The following PCP4 variants were observed in gnomAD, a reference collection of about 807,000 sequenced individuals.
The protein encoded by PCP4 is calmodulin regulator protein PCP4.
In PCP4, 8 loss-of-function variants were observed where a neutral mutation model predicts 10.0. The ratio of observed to expected loss-of-function variants is 0.80; its 90% CI spans 0.47 to 1.45. The LOEUF (loss-of-function observed/expected upper bound fraction) is 1.45. Among genes scored for constraint, PCP4 ranks in the 40% most tolerant of loss-of-function variants. PCP4 has a pLI of 0.00. For synonymous variants in PCP4, 21 were observed against 23.0 expected (o/e 0.91, Z 0.24); for missense variants, 54 against 74.4 (o/e 0.73, Z 1.01).
chr21:39,880,991 G>A (rs1477817312), intron 1 of PCP4, among the ~76,000 whole-genome samples: 1 of 152,036 alleles, frequency 6.6e-6, no homozygotes, highest in Non-Finnish European at 1.5e-5. Context: ...TTGGTTGTTC[G>A]TATTGGTGGT....
At chr21:39,919,700 GGT>G (rs1419640331) in intron 2 of PCP4, among the ~76,000 whole-genome samples, 1 of 151,542 alleles carries the variant, frequency 6.6e-6, no homozygotes, top group Non-Finnish European at 1.5e-5. Flanking sequence ...GTATGTCTAT[GGT>G]GTGTGTGGTT....
intron 1 of PCP4, among the ~76,000 whole-genome samples, chr21:39,876,436 G>A (rs1386874318): frequency 1.3e-5 from 2 of 152,192 alleles, no homozygotes; most frequent in South Asian, 4.1e-4. Context: ...GTTGTGGCCT[G>A]TGACTATATA....
chr21:39,884,035 G>T (rs895508575), intron 1 of PCP4, among the ~76,000 whole-genome samples: 3 of 152,176 alleles, frequency 2.0e-5, no homozygotes, highest in African/African-American at 4.8e-5. Context: ...CCACACAGCT[G>T]CTGGGGACCA....
Position 39,906,311 on chromosome 21 carries a change from C to T in PCP4, c.61+7784C>T, listed in dbSNP as rs996259004. Reference sequence around the variant, plus strand: ...TGGGCTGTGGTCTAAGCCCCTGGAACAGAATAAAGTTAATGGGCTACATCT... The same window carrying T: ...TGGGCTGTGGTCTAAGCCCCTGGAATAGAATAAAGTTAATGGGCTACATCT... On this transcript the variant is annotated intron_variant, in intron 2 of 2. Transcript: ENST00000328619. This position sits in a 1 kb window ranked among gnomAD's most constrained non-coding sequence, Gnocchi z 6.3. Among the ~76,000 whole-genome samples the T allele has an allele frequency of 2.5e-4, 38 of 152,178 alleles. No individual in the cohort carries two copies. Among genetic ancestry groups the T allele is most frequent in the Admixed American group, 2.5e-3 (38 of 15,282 alleles).
chr21:39,916,819 T>C (rs1202350269), intron 2 of PCP4, among the ~76,000 whole-genome samples: 1 of 152,206 alleles, frequency 6.6e-6, no homozygotes, highest in Non-Finnish European at 1.5e-5. Flanking sequence ...AGTTGGAAGC[T>C]GTTATCCTCA....
intron 2 of PCP4, among the ~76,000 whole-genome samples, chr21:39,901,992 C>T (rs1464172964): frequency 6.6e-6 from 1 of 152,108 alleles, no homozygotes; most frequent in Non-Finnish European, 1.5e-5. Context: ...TTCTTAAATT[C>T]CTGATATGAG....
intron 2 of PCP4, among the ~76,000 whole-genome samples, chr21:39,902,282 G>C (rs547167152): frequency 6.6e-6 from 1 of 152,286 alleles, no homozygotes; most frequent in African/African-American, 2.4e-5. Context: ...GTACAAGTCA[G>C]GGTGTTTGTA....
At chr21:39,921,510 T>C (rs1266748745) in intron 2 of PCP4, among the ~76,000 whole-genome samples, 2 of 152,228 alleles carry the variant, frequency 1.3e-5, no homozygotes, top group South Asian at 4.1e-4. Flanking sequence ...TGATTCTCTA[T>C]GATGCAAAGC....
intron 2 of PCP4, among the ~76,000 whole-genome samples, chr21:39,902,313 G>C (rs1348961153): frequency 6.6e-6 from 1 of 152,174 alleles, no homozygotes; most frequent in Non-Finnish European, 1.5e-5. Context: ...TGTAAATTTA[G>C]TTGAGGTCTC....
At chr21:39,872,191 G>C (rs1240969321) in intron 1 of PCP4, among the ~76,000 whole-genome samples, 1 of 152,120 alleles carries the variant, frequency 6.6e-6, no homozygotes, top group Non-Finnish European at 1.5e-5. Flanking sequence ...TAGAGACAGG[G>C]CTTCACCATA....
intron 1 of PCP4, among the ~76,000 whole-genome samples, chr21:39,885,115 A>G (rs910000613): frequency 6.6e-6 from 1 of 152,206 alleles, no homozygotes; most frequent in Non-Finnish European, 1.5e-5. Context: ...GTCCTTGTAA[A>G]TTATGCCAGG....
chr21:39,875,285 A>G (rs1352625247), intron 1 of PCP4, among the ~76,000 whole-genome samples: 1 of 151,926 alleles, frequency 6.6e-6, no homozygotes, highest in African/African-American at 2.4e-5. Context: ...ATGCAGAGAA[A>G]TCTCTGATGC....
chr21:39,903,867 C>CAA (rs1210365373), intron 2 of PCP4, among the ~76,000 whole-genome samples: 354 of 34,606 alleles, frequency 0.01, 18 homozygotes, highest in African/African-American at 0.023. Context: ...GACTCCGTCT[C>CAA]AAAAAAAACA....
At chr21:39,891,704 C>T (rs2146333914) in intron 1 of PCP4, among the ~76,000 whole-genome samples, 1 of 152,282 alleles carries the variant, frequency 6.6e-6, no homozygotes, top group Middle Eastern at 3.4e-3. Context: ...GGTGAATCTT[C>T]TAAGTGATTG....
intron 1 of PCP4, among the ~76,000 whole-genome samples, chr21:39,885,781 G>A (rs146982690): frequency 3.3e-5 from 5 of 152,352 alleles, no homozygotes; most frequent in South Asian, 2.1e-4. Flanking sequence ...TTTCCTGAGC[G>A]TGCTTCTATC....
intron 2 of PCP4, among the ~76,000 whole-genome samples, chr21:39,928,158 A>G (rs2087633827): frequency 6.6e-6 from 1 of 152,136 alleles, no homozygotes; most frequent in Non-Finnish European, 1.5e-5. Context: ...AGCATACACT[A>G]TACACTCTAC....
At chr21:39,908,255 C>T (rs78511394) in intron 2 of PCP4, among the ~76,000 whole-genome samples, 2,116 of 151,620 alleles carry the variant, frequency 0.014, 45 homozygotes, top group African/African-American at 0.048. Flanking sequence ...ATTCCTGGAG[C>T]GATGAGGCTG....
intron 2 of PCP4, among the ~76,000 whole-genome samples, chr21:39,916,685 T>C (rs1002385785): frequency 6.6e-6 from 1 of 152,222 alleles, no homozygotes; most frequent in African/African-American, 2.4e-5. Flanking sequence ...GCAGCACTAT[T>C]CACAATAGCA....
At chr21:39,878,411 T>C (rs1366426983) in intron 1 of PCP4, among the ~76,000 whole-genome samples, 1 of 152,226 alleles carries the variant, frequency 6.6e-6, no homozygotes, top group Non-Finnish European at 1.5e-5. Context: ...TTCAAGCTCA[T>C]TGTATAGATA....
Sources: gnomAD v4.1 joint callset for allele counts (sites outside exome capture counted in the v4.1 genomes callset) on GRCh38, gnomAD v4.1.1 for gene constraint, Gnocchi (gnomAD v3.1) non-coding constraint, MANE v1.5 for transcripts, NCBI Gene and HGNC (gene_info 2026-07-23, HGNC 2026-07-21) for gene names.